The following AFF1 variants were observed in gnomAD, a reference collection of about 807,000 sequenced individuals.
AFF1 encodes the protein AF4/FMR2 family member 1.
In AFF1, 48 loss-of-function variants were observed where a neutral mutation model predicts 121.7. That is an observed-to-expected ratio of 0.39 (90% CI 0.31 to 0.50). The LOEUF (loss-of-function observed/expected upper bound fraction) is 0.50. Ranked by LOEUF, AFF1 falls within the 20% of genes least tolerant of loss-of-function variation. The pLI is 0.76. For synonymous variants in AFF1, 613 were observed against 563.0 expected (o/e 1.09, Z -1.26); for missense variants, 1,523 against 1,511.7 (o/e 1.01, Z -0.12).
intron 2 of AFF1, among the ~76,000 whole-genome samples, chr4:87,011,266 T>TAG (rs1205331244): frequency 6.6e-6 from 1 of 151,918 alleles, no homozygotes. Flanking sequence ...CAAACTGCAG[T>TAG]AGGAAAGTAT....
intron 2 of AFF1, among the ~76,000 whole-genome samples, chr4:87,024,282 T>A (rs1326443227): frequency 6.6e-6 from 1 of 152,136 alleles, no homozygotes; most frequent in Non-Finnish European, 1.5e-5. Flanking sequence ...AAATGGAATA[T>A]GGGTGGGGTG....
chr4:87,011,451 T>C (rs1027280780), intron 2 of AFF1, among the ~76,000 whole-genome samples: 1 of 152,212 alleles, frequency 6.6e-6, no homozygotes, highest in Admixed American at 6.5e-5. Flanking sequence ...AAAGCAATGC[T>C]CTTAAACTGG....
At chr4:87,086,759 G>A (rs1389603948) in intron 5 of AFF1, among the ~76,000 whole-genome samples, 5 of 152,228 alleles carry the variant, frequency 3.3e-5, no homozygotes, top group Admixed American at 2.6e-4. Flanking sequence ...TTTGCCTCCC[G>A]GTTCCCGTTC....
chr4:87,114,397 C>G lies in AFF1; in HGVS notation c.1564C>G (p.Leu522Val), dbSNP rs750987901. 1 of 1,602,776 alleles carries G rather than the reference C, an allele frequency of 6.2e-7. No homozygotes were observed. The highest frequency in any genetic ancestry group is 2.2e-5 in the East Asian group (1 of 44,836). ...PEPPTTNKWQ[L>V]DNWLTKVSQP... Reference sequence around the variant, plus strand: ...GCCTCCAACAACAAACAAATGGCAGCTGGACAACTGGCTGACCAAAGTCAG... The same window carrying G: ...GCCTCCAACAACAAACAAATGGCAGGTGGACAACTGGCTGACCAAAGTCAG... The change falls in exon 12 of 21, where the codon CTG becomes GTG. Residue 522 changes from leucine (L) to valine (V), a missense_variant. Leu to Val is a conservative substitution (Grantham distance 32). Coordinates refer to ENST00000395146, the MANE Select transcript of AFF1 (RefSeq NM_001166693.3).
chr4:87,054,456 T>C (rs1315513025), intron 4 of AFF1, among the ~76,000 whole-genome samples: 1 of 152,250 alleles, frequency 6.6e-6, no homozygotes, highest in Non-Finnish European at 1.5e-5. Context: ...ATGTTTTTCA[T>C]TGTTCTGCCC....
At chr4:87,051,438 C>A (rs1273635294) in intron 4 of AFF1, among the ~76,000 whole-genome samples, 2 of 145,400 alleles carry the variant, frequency 1.4e-5, no homozygotes, top group African/African-American at 5.2e-5. Context: ...TTAACGTACT[C>A]ATTCAACAAA....
chr4:86,958,667 G>A (rs576815203), intron 2 of AFF1, among the ~76,000 whole-genome samples: 5 of 152,168 alleles, frequency 3.3e-5, no homozygotes, highest in East Asian at 1.9e-4. Context: ...GCAGTGAGCC[G>A]AGATTGTGCC....
At chr4:86,943,961 A>G (rs1163437180) in intron 1 of AFF1, among the ~76,000 whole-genome samples, 1 of 18,350 alleles carries the variant, frequency 5.4e-5, no homozygotes, top group Admixed American at 1.1e-3. Flanking sequence ...AACTCTACCC[A>G]AAATAAAAAA....
At chr4:87,030,257 T>C (rs962194505) in intron 2 of AFF1, among the ~76,000 whole-genome samples, 2 of 152,242 alleles carry the variant, frequency 1.3e-5, no homozygotes, top group Non-Finnish European at 2.9e-5. Context: ...ACGCGGTTTA[T>C]GTTGCACCTA....
chr4:86,940,899 C>A (rs1578810970), intron 1 of AFF1, among the ~76,000 whole-genome samples: 1 of 151,036 alleles, frequency 6.6e-6, no homozygotes, highest in Non-Finnish European at 1.5e-5. Context: ...ACCAGCTTAG[C>A]CAACATGGTG....
chr4:87,022,614 C>CTCTA, intron 2 of AFF1, among the ~76,000 whole-genome samples: 1 of 76,334 alleles, frequency 1.3e-5, no homozygotes, highest in East Asian at 5.1e-4. Context: ...GTATATATAT[C>CTCTA]TGTGTGTGTA....
chr4:87,004,655 C>T (rs1194222827), intron 2 of AFF1, among the ~76,000 whole-genome samples: 1 of 152,130 alleles, frequency 6.6e-6, no homozygotes, highest in Admixed American at 6.5e-5. Flanking sequence ...TGAGCATTTC[C>T]TTTGAGCGTC....
At chr4:87,129,193 A>G (rs1728577932) in intron 16 of AFF1, among the ~76,000 whole-genome samples, 1 of 152,246 alleles carries the variant, frequency 6.6e-6, no homozygotes, top group African/African-American at 2.4e-5. Flanking sequence ...CAGCTTGGAC[A>G]GTAAGCCCCT....
In AFF1 at chr4:87,089,964, CT is replaced by C; in HGVS notation, c.1105-17del. On this transcript the variant is annotated intron_variant, in intron 5 of 20. Transcript: ENST00000395146. ...CTATTTATAATTTACTTTTTCTTCC[CT>C]TTCCAAATATCTTTCCAGGAAATGA... 1 of 1,596,980 alleles carries C rather than the reference CT, an allele frequency of 6.3e-7. No individual in the cohort carries two copies.
chr4:87,030,669 C>T (rs532545838), intron 2 of AFF1, among the ~76,000 whole-genome samples: 7 of 151,612 alleles, frequency 4.6e-5, no homozygotes, highest in Non-Finnish European at 1.0e-4. Context: ...TTTTTCTTCC[C>T]CGTTCCATTT....
At chr4:86,942,025 T>A (rs781624141) in intron 1 of AFF1, among the ~76,000 whole-genome samples, 8 of 152,076 alleles carry the variant, frequency 5.3e-5, no homozygotes, top group African/African-American at 1.9e-4. Context: ...GTAAAGGTAC[T>A]AAGATTTGGC....
intron 2 of AFF1, among the ~76,000 whole-genome samples, chr4:87,014,652 A>G (rs1386677414): frequency 3.9e-5 from 6 of 152,232 alleles, no homozygotes; most frequent in South Asian, 4.1e-4. Context: ...AACTTAAACT[A>G]TGTTATACAG....
intron 4 of AFF1, among the ~76,000 whole-genome samples, chr4:87,053,321 G>C (rs192976000): frequency 3.3e-5 from 5 of 152,270 alleles, no homozygotes; most frequent in Non-Finnish European, 5.9e-5. Flanking sequence ...CAAGACCCAA[G>C]TGTACATTCA....
At chr4:86,987,034 G>A (rs1724342139) in intron 2 of AFF1, among the ~76,000 whole-genome samples, 1 of 151,462 alleles carries the variant, frequency 6.6e-6, no homozygotes, top group African/African-American at 2.4e-5. Flanking sequence ...TGTAGAGATG[G>A]GGGTCTTGCT....
Sources: allele counts gnomAD v4.1 joint callset (sites outside exome capture counted in the v4.1 genomes callset), GRCh38; gene constraint gnomAD v4.1.1; transcripts MANE v1.5; gene names NCBI Gene and HGNC (gene_info 2026-07-23, HGNC 2026-07-21).